Variants in RNF38 observed in about 807,000 individuals in gnomAD.
RNF38 encodes the protein E3 ubiquitin-protein ligase RNF38.
RNF38 carries 15 observed loss-of-function variants against 67.2 expected under a neutral mutation model. The observed-to-expected ratio is 0.22, with a 90% CI of 0.15 to 0.34. RNF38 has a LOEUF of 0.34. Ranked by LOEUF, RNF38 falls within the 10% of genes least tolerant of loss-of-function variation. The pLI is 1.00. For synonymous variants in RNF38, 220 were observed against 218.8 expected (o/e 1.01, Z -0.05); for missense variants, 524 against 639.9 (o/e 0.82, Z 1.95).
At chr9:36,442,821 A>G (rs1165019982) in intron 1 of RNF38, among the ~76,000 whole-genome samples, 5 of 152,352 alleles carry the variant, frequency 3.3e-5, no homozygotes, top group South Asian at 4.1e-4. Context: ...CGCTCACCCA[A>G]TAACAGTAGC....
At chr9:36,391,907 C>A (rs1353635743) in intron 1 of RNF38, among the ~76,000 whole-genome samples, 1 of 152,102 alleles carries the variant, frequency 6.6e-6, no homozygotes. Flanking sequence ...GCCACTGCGC[C>A]CGGCCCGTTT....
At chr9:36,348,529 C>T (rs1028118534) in intron 9 of RNF38, among the ~76,000 whole-genome samples, 2 of 152,026 alleles carry the variant, frequency 1.3e-5, no homozygotes, top group African/African-American at 4.8e-5. Context: ...AGTGAACGCA[C>T]GAATAAGAAA....
intron 4 of RNF38, among the ~76,000 whole-genome samples, chr9:36,366,808 T>G (rs1401852640): frequency 6.6e-6 from 1 of 152,228 alleles, no homozygotes; most frequent in Non-Finnish European, 1.5e-5. Context: ...ATAGCCCTTT[T>G]TAAGTCATGT....
At chr9:36,460,885 C>CA (rs752827635) in intron 1 of RNF38, among the ~76,000 whole-genome samples, 13,118 of 52,632 alleles carry the variant, frequency 0.25, 1,307 homozygotes, top group Non-Finnish European at 0.32. Flanking sequence ...GAAACTCTCT[C>CA]AAAAAAAAAA....
At chr9:36,482,742 A>C (rs1157588270) in intron 1 of RNF38, among the ~76,000 whole-genome samples, 2 of 152,240 alleles carry the variant, frequency 1.3e-5, no homozygotes, top group Admixed American at 1.3e-4. Flanking sequence ...TCTTTGGTTC[A>C]GCTGAGCATG....
rs748742514 is a variant in RNF38 at position 36,353,204 on chromosome 9, T to G, written c.1037A>C (p.His346Pro). 3 of 1,614,114 alleles carry G rather than the reference T, an allele frequency of 1.9e-6. No homozygotes were observed. The highest frequency in any genetic ancestry group is 1.7e-6 in the Non-Finnish European group (2 of 1,180,014). ...GGACACCTCCTGATGCAAAGGATCA[T>G]GTGTTAAGAACTGCAAGGGAGCTGA... Reference protein sequence around the residue: ...PPSAPLQFLTHDPLHQEVSFG... With the variant: ...PPSAPLQFLTPDPLHQEVSFG... The change falls in exon 7 of 12, where the codon CAT (histidine) becomes CCT (proline). Residue 346 changes from histidine (H) to proline (P), a missense_variant. His to Pro is a moderately conservative substitution (Grantham distance 77, BLOSUM62 -2). Transcript: ENST00000259605.
chr9:36,409,004 T>C (rs1275431651), intron 2 of RNF38, among the ~76,000 whole-genome samples: 1 of 152,116 alleles, frequency 6.6e-6, no homozygotes, highest in Admixed American at 6.5e-5. Flanking sequence ...CTGGCCAACA[T>C]GGTAAAACCC....
chr9:36,360,571 CAA>C (rs1834451133), intron 4 of RNF38, among the ~76,000 whole-genome samples: 1 of 152,060 alleles, frequency 6.6e-6, no homozygotes, highest in Non-Finnish European at 1.5e-5. Flanking sequence ...AGTCGGTGCT[CAA>C]AAAGTTAGAT....
chr9:36,410,758 G>T (rs1838302009), intron 2 of RNF38, among the ~76,000 whole-genome samples: 2 of 152,122 alleles, frequency 1.3e-5, no homozygotes, highest in African/African-American at 2.4e-5. Flanking sequence ...TTCCAAGAAG[G>T]CCTCCACATA....
chr9:36,354,623 A>G (rs1833960530), intron 6 of RNF38, among the ~76,000 whole-genome samples: 1 of 152,220 alleles, frequency 6.6e-6, no homozygotes, highest in African/African-American at 2.4e-5. Context: ...TTTATGAGTG[A>G]GTATTACATT....
chr9:36,368,948 C>T (rs1335103122), intron 4 of RNF38, among the ~76,000 whole-genome samples: 1 of 152,056 alleles, frequency 6.6e-6, no homozygotes, highest in Non-Finnish European at 1.5e-5. Context: ...GGTCTTCATC[C>T]TCAGGCTCTG....
At chr9:36,363,426 G>A (rs1834713261) in intron 4 of RNF38, among the ~76,000 whole-genome samples, 1 of 100,458 alleles carries the variant, frequency 1.0e-5, no homozygotes, top group Non-Finnish European at 2.6e-5. Context: ...AAAAGATCAT[G>A]CTACTTTTTA....
intron 9 of RNF38, among the ~76,000 whole-genome samples, chr9:36,346,656 G>C (rs1251307971): frequency 6.6e-6 from 1 of 151,038 alleles, no homozygotes; most frequent in African/African-American, 2.4e-5. Context: ...ACAGATGAGA[G>C]AAACAGAAAT....
At chr9:36,473,064 G>A (rs1018729483) in intron 1 of RNF38, among the ~76,000 whole-genome samples, 11 of 151,600 alleles carry the variant, frequency 7.3e-5, no homozygotes, top group African/African-American at 2.4e-4. Context: ...CCCAGGAGGC[G>A]GAAGCTGCAG....
chr9:36,448,147 C>T (rs1269038019), intron 1 of RNF38, among the ~76,000 whole-genome samples: 1 of 152,208 alleles, frequency 6.6e-6, no homozygotes, highest in African/African-American at 2.4e-5. Flanking sequence ...GAGGACAGAA[C>T]TGGTCTTCTT....
At chr9:36,360,254 A>C (rs1834429252) in intron 4 of RNF38, among the ~76,000 whole-genome samples, 1 of 152,180 alleles carries the variant, frequency 6.6e-6, no homozygotes, top group South Asian at 2.1e-4. Context: ...TAATGACAAG[A>C]GGTTATTTTA....
At chr9:36,372,624 C>T (rs1835474083) in intron 3 of RNF38, 1 of 669,086 alleles carries the variant, frequency 1.5e-6, no homozygotes, top group South Asian at 1.7e-5. Flanking sequence ...GAACAGAATA[C>T]AGAGTAAGAC....
chr9:36,418,339 A>G (rs985931143), intron 2 of RNF38, among the ~76,000 whole-genome samples: 2 of 151,430 alleles, frequency 1.3e-5, no homozygotes, highest in African/African-American at 4.8e-5. Context: ...CCTGGCCAAC[A>G]ATCAATATGT....
intron 1 of RNF38, among the ~76,000 whole-genome samples, chr9:36,439,809 A>AC (rs1203696640): frequency 1.3e-5 from 2 of 151,806 alleles, no homozygotes; most frequent in Non-Finnish European, 2.9e-5. Context: ...AAAAAAAAAA[A>AC]AACTTATCAA....
Sources: allele counts gnomAD v4.1 joint callset (sites outside exome capture counted in the v4.1 genomes callset), GRCh38; gene constraint gnomAD v4.1.1; transcripts MANE v1.5; gene names NCBI Gene and HGNC (gene_info 2026-07-23, HGNC 2026-07-21).